The following DMTN variants were observed in gnomAD, a reference collection of about 807,000 sequenced individuals.
DMTN encodes dematin actin binding protein.
DMTN carries 27 observed loss-of-function variants against 59.4 expected under a neutral mutation model. That is an observed-to-expected ratio of 0.45 (90% CI 0.33 to 0.63). The LOEUF (loss-of-function observed/expected upper bound fraction) is 0.63, where lower values mean the gene tolerates loss of function less well. Ranked by LOEUF, DMTN falls within the 20% of genes least tolerant of loss-of-function variation. The pLI is 0.02. For synonymous variants in DMTN, 221 were observed against 203.7 expected (o/e 1.08, Z -0.72); for missense variants, 451 against 528.9 (o/e 0.85, Z 1.45).
At chr8:22,050,343 G>T (rs1238994975), upstream of DMTN, among the ~76,000 whole-genome samples, 1 of 151,958 alleles carries the variant, frequency 6.6e-6, no homozygotes, top group East Asian at 1.9e-4. Context: ...TTGGGGAGGG[G>T]GCTCTTAAAA....
At chr8:22,050,550 C>G (rs1220344982), upstream of DMTN, among the ~76,000 whole-genome samples, 1 of 144,780 alleles carries the variant, frequency 6.9e-6, no homozygotes, top group Admixed American at 6.9e-5. Context: ...CTCTCTTTGA[C>G]CTCCCCGGTA....
rs562322256 is a variant in DMTN, at chr8:22,069,991, C to G, written c.451+54C>G. 205 of 1,607,090 alleles carry G rather than the reference C, an allele frequency of 1.3e-4. 1 individual carries two copies. In the South Asian group the frequency reaches 2.2e-3, roughly 17 times the overall value. ...TGCTTCCGGCTGCATGCTGGGAGGCCGTGCCCTGGGGCTGCGGGCTGGCTG... is the reference window on the plus strand; with the variant it reads ...TGCTTCCGGCTGCATGCTGGGAGGCGGTGCCCTGGGGCTGCGGGCTGGCTG... On this transcript the variant is annotated intron_variant, in intron 7 of 15. Coordinates refer to ENST00000358242, the MANE Select transcript of DMTN (RefSeq NM_001387751.1).
intron 10 of DMTN, among the ~76,000 whole-genome samples, chr8:22,076,886 C>T (rs1820257991): frequency 6.6e-6 from 1 of 152,020 alleles, no homozygotes; most frequent in Non-Finnish European, 1.5e-5. Flanking sequence ...GAACTTGGAT[C>T]CAGGGGCAGG....
intron 10 of DMTN, among the ~76,000 whole-genome samples, chr8:22,075,516 A>T (rs113231029): frequency 5.7e-5 from 5 of 87,716 alleles, no homozygotes; most frequent in African/African-American, 1.4e-4. Context: ...GCCCAGCTAA[A>T]TTTTTTTTTT....
At chr8:22,076,359 C>A (rs1819785913) in intron 10 of DMTN, among the ~76,000 whole-genome samples, 4 of 152,082 alleles carry the variant, frequency 2.6e-5, no homozygotes, top group African/African-American at 9.7e-5. Flanking sequence ...AATCCCAGCA[C>A]TTTGGAAGGC....
intron 1 of DMTN, among the ~76,000 whole-genome samples, chr8:22,065,929 C>T (rs766909943): frequency 1.4e-5 from 2 of 145,172 alleles, no homozygotes; most frequent in Non-Finnish European, 3.0e-5. Flanking sequence ...CAGCCTCGAT[C>T]TCCTGGGCTC....
rs1015597157 is a variant in DMTN, at chr8:22,067,216, A to G, written c.93+57A>G. 8 of 1,567,950 alleles carry G rather than the reference A, an allele frequency of 5.1e-6. No individual in the cohort carries two copies. In the African/African-American group the frequency reaches 8.2e-5, roughly 16 times the overall value. ...TGGCTGGGAGGGGGGAGGGTGGGGG[A>G]CCCCTGGCTGCTAGCGTGCCTTCCC... On this transcript the variant is annotated intron_variant, in intron 3 of 15. Transcript: ENST00000358242.
chr8:22,055,720 C>T (rs1040662156), upstream of DMTN, among the ~76,000 whole-genome samples: 51 of 152,222 alleles, frequency 3.4e-4, no homozygotes, highest in African/African-American at 1.2e-3. Context: ...CTGCCTCCTT[C>T]CTTCCTCCCT....
At chr8:22,070,159 C>A in intron 7 of DMTN, 23 bp from the exon 8 acceptor site, 1 of 1,566,004 alleles carries the variant, frequency 6.4e-7, no homozygotes, top group South Asian at 1.2e-5. Flanking sequence ...GCACACCTGG[C>A]TGACCCTGGC....
chr8:22,067,465 C>T lies in DMTN; in HGVS notation c.94-62C>T, dbSNP rs569856045. On this transcript the variant is annotated intron_variant, in intron 3 of 15. Transcript: ENST00000358242. Reference sequence around the variant, plus strand: ...TGGTAATTGACGTAAGTCTAGCTAGCAGGGCCAGTGTCCTAGGCGGGGCTT... The same window carrying T: ...TGGTAATTGACGTAAGTCTAGCTAGTAGGGCCAGTGTCCTAGGCGGGGCTT... 250 of 1,593,948 alleles carry T rather than the reference C, an allele frequency of 1.6e-4. No homozygotes were observed. The African/African-American group carries it at 3.2e-3, about 20-fold the overall frequency.
In DMTN at chr8:22,060,451, G is replaced by C. The variant is rs543640708; in HGVS notation, c.-172+3315G>C. 6.7e-6 allele frequency among the ~76,000 whole-genome samples: 1 copy of C among 150,364 alleles called. No individual in the cohort carries two copies. On this transcript the variant is annotated intron_variant, in intron 1 of 15. Transcript: ENST00000358242. This position sits in a 1 kb window ranked among gnomAD's most constrained non-coding sequence, Gnocchi z 5.0. ...CTCTCTCCCCCTCACACATGCGCAC[G>C]CACACACACATATACACACACTCTT...
upstream of DMTN, among the ~76,000 whole-genome samples, chr8:22,051,893 A>G (rs1326602692): frequency 6.6e-6 from 1 of 152,074 alleles, no homozygotes; most frequent in Non-Finnish European, 1.5e-5. Context: ...ATCCCGGCCA[A>G]ACTCCTTAGC....
At chr8:22,080,127 A>T (rs753738445) in intron 10 of DMTN, 53 bp from the exon 11 acceptor site, 29 of 1,607,218 alleles carry the variant, frequency 1.8e-5, no homozygotes, top group Non-Finnish European at 2.5e-5. Flanking sequence ...CTGTCTCAGG[A>T]AGGGCTGTCA....
chr8:22,079,301 T>TA (rs199745360), intron 10 of DMTN, among the ~76,000 whole-genome samples: 65,752 of 83,180 alleles, frequency 0.79, 28,913 homozygotes, highest in East Asian at 0.95. Flanking sequence ...TATATATATA[T>TA]TAGCTGGGTT....
upstream of DMTN, among the ~76,000 whole-genome samples, chr8:22,056,544 G>T (rs1374571580): frequency 6.6e-6 from 1 of 152,230 alleles, no homozygotes; most frequent in Non-Finnish European, 1.5e-5. Flanking sequence ...GGAGGAGGCT[G>T]AGGGGCTCTG....
Position 22,069,598 on chromosome 8 carries a change from C to A in DMTN, c.394+80C>A. ...CCCAATCCCCTTACGCTCAGTCCCC[C>A]ACTCTCTGGGGTATATGCTCGCCTC... On this transcript the variant is annotated intron_variant, in intron 6 of 15. Transcript: ENST00000358242. 7 of 1,253,444 alleles carry A rather than the reference C, an allele frequency of 5.6e-6. No individual in the cohort carries two copies. The South Asian group carries it at 8.7e-5, about 15-fold the overall frequency. The allele number at this position is 1,253,444 out of a possible 1,614,324, so 77.6% of individuals were successfully genotyped here. A position where few individuals can be genotyped will look rare whatever the true frequency, so the allele number is the denominator to read the frequency against.
At chr8:22,050,870 G>A (rs953858398), upstream of DMTN, among the ~76,000 whole-genome samples, 3 of 152,190 alleles carry the variant, frequency 2.0e-5, no homozygotes, top group African/African-American at 7.2e-5. Context: ...CATTCCCCAG[G>A]TGGGTCTTCA....
chr8:22,049,200 G>C (rs1014993061), upstream of DMTN: 2 of 150,584 alleles, frequency 1.3e-5, no homozygotes, highest in Non-Finnish European at 3.0e-5. Flanking sequence ...GAGCCTCCTC[G>C]GGCAGCGAGA....
intron 14 of DMTN, 84 bp from the exon 15 acceptor site, chr8:22,081,029 C>A (rs971361871): frequency 1.3e-6 from 2 of 1,512,226 alleles, no homozygotes; most frequent in Non-Finnish European, 1.8e-6. Context: ...CCCCAGTGGC[C>A]TCTGCAGGTT....
Sources: gnomAD v4.1 joint callset for allele counts (sites outside exome capture counted in the v4.1 genomes callset) on GRCh38, gnomAD v4.1.1 for gene constraint, Gnocchi (gnomAD v3.1) non-coding constraint, MANE v1.5 for transcripts, NCBI Gene and HGNC (gene_info 2026-07-23, HGNC 2026-07-21) for gene names.